Variants in PCDH7 observed in about 807,000 individuals in gnomAD.
PCDH7 encodes the protein protocadherin-7.
Under a neutral mutation model 58.9 loss-of-function variants are expected in PCDH7, and 17 were observed. The ratio of observed to expected loss-of-function variants is 0.29; its 90% CI spans 0.20 to 0.43. The LOEUF (loss-of-function observed/expected upper bound fraction) is 0.43, where lower values mean the gene tolerates loss of function less well. Among genes scored for constraint, PCDH7 ranks in the 20% least tolerant of loss-of-function variants. The pLI is 1.00. For synonymous variants in PCDH7, 664 were observed against 616.4 expected (o/e 1.08, Z -1.14); for missense variants, 1,274 against 1,441.0 (o/e 0.88, Z 1.88).
At chr4:30,820,613 T>A (rs1415199406) in intron 1 of PCDH7, among the ~76,000 whole-genome samples, 2 of 152,120 alleles carry the variant, frequency 1.3e-5, no homozygotes, top group Non-Finnish European at 2.9e-5. Context: ...ACACTAGTTT[T>A]TTTTTTAAGG....
chr4:30,840,663 T>C (rs950184334), intron 1 of PCDH7, among the ~76,000 whole-genome samples: 4 of 152,178 alleles, frequency 2.6e-5, no homozygotes, highest in African/African-American at 9.7e-5. Context: ...TACAGGATTC[T>C]ACTTGTCCTA....
chr4:30,803,587 A>C (rs1402067340), intron 1 of PCDH7, among the ~76,000 whole-genome samples: 2 of 152,022 alleles, frequency 1.3e-5, no homozygotes, highest in Non-Finnish European at 2.9e-5. Flanking sequence ...ACAGGTGCAT[A>C]TCCCTATGCC....
intron 3 of PCDH7, among the ~76,000 whole-genome samples, chr4:31,052,243 T>A (rs1183791293): frequency 1.3e-5 from 2 of 152,130 alleles, no homozygotes; most frequent in African/African-American, 4.8e-5. Context: ...TACACAATAA[T>A]CCTAGTGCCA....
At chr4:30,751,195 A>T (rs1265923606) in intron 1 of PCDH7, among the ~76,000 whole-genome samples, 1 of 152,232 alleles carries the variant, frequency 6.6e-6, no homozygotes, top group Non-Finnish European at 1.5e-5. Context: ...ATAACCTTGT[A>T]TGATATGAGC....
intron 3 of PCDH7, among the ~76,000 whole-genome samples, chr4:31,138,407 TTC>T (rs1281714513): frequency 6.6e-6 from 1 of 152,222 alleles, no homozygotes; most frequent in Non-Finnish European, 1.5e-5. Flanking sequence ...AGATTTTTTT[TTC>T]TCTTTCTCTG....
chr4:31,038,232 G>T (rs1755570988), intron 3 of PCDH7, among the ~76,000 whole-genome samples: 1 of 152,188 alleles, frequency 6.6e-6, no homozygotes, highest in Non-Finnish European at 1.5e-5. Flanking sequence ...CAGTGTTTAA[G>T]ATTTATCAGT....
chr4:30,948,089 A>G (rs1331871729), intron 2 of PCDH7, among the ~76,000 whole-genome samples: 1 of 151,886 alleles, frequency 6.6e-6, no homozygotes, highest in Non-Finnish European at 1.5e-5. Context: ...TGCTTATTAC[A>G]TCTTAATAAA....
At chr4:30,894,490 A>T (rs13126100) in intron 1 of PCDH7, among the ~76,000 whole-genome samples, 492 of 33,262 alleles carry the variant, frequency 0.015, 11 homozygotes, top group African/African-American at 0.032. Flanking sequence ...AAAAAAAAAA[A>T]ATATATATAT....
At chr4:30,983,384 T>C (rs940993282) in intron 3 of PCDH7, among the ~76,000 whole-genome samples, 1 of 152,190 alleles carries the variant, frequency 6.6e-6, no homozygotes, top group Non-Finnish European at 1.5e-5. Flanking sequence ...TGAAAATCAG[T>C]CTCTAAAAAC....
intron 1 of PCDH7, among the ~76,000 whole-genome samples, chr4:30,912,750 A>G (rs1027821059): frequency 6.6e-6 from 1 of 152,182 alleles, no homozygotes; most frequent in South Asian, 2.1e-4. Context: ...CCTTTTGCCA[A>G]TAAAATCCCC....
chr4:31,079,518 A>C (rs1202965116), intron 3 of PCDH7, among the ~76,000 whole-genome samples: 1 of 151,214 alleles, frequency 6.6e-6, no homozygotes, highest in Non-Finnish European at 1.5e-5. Flanking sequence ...CAGATTCCAA[A>C]GAAGTCCAAC....
intron 1 of PCDH7, among the ~76,000 whole-genome samples, chr4:30,893,805 G>A (rs896839666): frequency 1.4e-4 from 22 of 152,026 alleles, no homozygotes; most frequent in African/African-American, 4.1e-4. Context: ...AGGACCACAT[G>A]CCTTCCATAT....
At chr4:31,024,050 A>G (rs1240912715) in intron 3 of PCDH7, among the ~76,000 whole-genome samples, 1 of 152,240 alleles carries the variant, frequency 6.6e-6, no homozygotes, top group Non-Finnish European at 1.5e-5. Context: ...TAAGAAGAGC[A>G]TTAAAACTTT....
intron 3 of PCDH7, among the ~76,000 whole-genome samples, chr4:31,132,917 C>G (rs1578883099): frequency 6.6e-6 from 1 of 152,278 alleles, no homozygotes; most frequent in East Asian, 1.9e-4. Context: ...TCCCAAGAAT[C>G]AATTTTCTAT....
chr4:30,937,870 G>A (rs1208352044), intron 2 of PCDH7, among the ~76,000 whole-genome samples: 1 of 151,770 alleles, frequency 6.6e-6, no homozygotes, highest in East Asian at 1.9e-4. Context: ...ATATTTCAAA[G>A]TAGAATTAAG....
intron 3 of PCDH7, among the ~76,000 whole-genome samples, chr4:31,085,834 C>G (rs1712344886): frequency 6.8e-6 from 1 of 146,248 alleles, no homozygotes; most frequent in African/African-American, 2.5e-5. Context: ...ACATCAGACT[C>G]TTTTCTCTCT....
At chr4:30,931,532 C>A (rs1196503699) in intron 2 of PCDH7, among the ~76,000 whole-genome samples, 1 of 151,982 alleles carries the variant, frequency 6.6e-6, no homozygotes. Flanking sequence ...TGAGATCATG[C>A]CATTGCACTC....
intron 1 of PCDH7, among the ~76,000 whole-genome samples, chr4:30,885,953 C>T (rs201817635): frequency 0.049 from 7,399 of 152,132 alleles, 381 homozygotes; most frequent in East Asian, 0.26. Context: ...CTTCCTTACA[C>T]CTTATACAAA....
intron 3 of PCDH7, among the ~76,000 whole-genome samples, chr4:31,126,749 C>A (rs1010291332): frequency 6.6e-6 from 1 of 152,114 alleles, no homozygotes. Flanking sequence ...CACAAAGTAC[C>A]ACCAAATGGT....
Sources: allele counts gnomAD v4.1 joint callset (sites outside exome capture counted in the v4.1 genomes callset), GRCh38; gene constraint gnomAD v4.1.1; transcripts MANE v1.5; gene names NCBI Gene and HGNC (gene_info 2026-07-23, HGNC 2026-07-21).